The following SMARCC1 variants were observed in gnomAD, a reference collection of about 807,000 sequenced individuals.
SMARCC1 encodes the protein SWI/SNF related BAF chromatin remodeling complex subunit C1.
In SMARCC1, 43 loss-of-function variants were observed where a neutral mutation model predicts 147.4. The observed-to-expected ratio is 0.29, with a 90% CI of 0.23 to 0.38. The LOEUF (loss-of-function observed/expected upper bound fraction) is 0.38, where lower values mean the gene tolerates loss of function less well. Among genes scored for constraint, SMARCC1 ranks in the 10% least tolerant of loss-of-function variants. The pLI is 1.00. For missense variants in SMARCC1, 1,119 were observed against 1,381.1 expected, an observed-to-expected ratio of 0.81 and a Z score of 3.01; for synonymous variants, 495 against 484.4, an observed-to-expected ratio of 1.02 and a Z score of -0.29.
At chr3:47,669,280 T>C (rs544304932) in intron 19 of SMARCC1, among the ~76,000 whole-genome samples, 2 of 152,316 alleles carry the variant, frequency 1.3e-5, no homozygotes, top group South Asian at 4.1e-4. Flanking sequence ...TTTTACTACC[T>C]ACTAATCTTA....
intron 2 of SMARCC1, among the ~76,000 whole-genome samples, chr3:47,760,176 A>C (rs561005710): frequency 6.6e-6 from 1 of 151,970 alleles, no homozygotes; most frequent in East Asian, 2.0e-4. Flanking sequence ...TCAGCTGGGA[A>C]TGGTGGTGCA....
intron 1 of SMARCC1, among the ~76,000 whole-genome samples, chr3:47,775,395 C>T (rs1037389091): frequency 6.7e-6 from 1 of 149,640 alleles, no homozygotes; most frequent in African/African-American, 2.4e-5. Flanking sequence ...CTCCTGACCT[C>T]GTGATTCGCC....
intron 14 of SMARCC1, among the ~76,000 whole-genome samples, 162 bp from the exon 15 acceptor site, chr3:47,680,670 C>T (rs2033633482): frequency 6.7e-6 from 1 of 149,780 alleles, no homozygotes; most frequent in Non-Finnish European, 1.5e-5. Context: ...GCCTCAGCCT[C>T]CCAAGTAGCT....
intron 21 of SMARCC1, among the ~76,000 whole-genome samples, chr3:47,642,759 T>C (rs1259583900): frequency 6.6e-6 from 1 of 151,818 alleles, no homozygotes; most frequent in African/African-American, 2.4e-5. Context: ...AACCTGAAAT[T>C]TCCAGGCCAC....
At chr3:47,776,213 C>T (rs931156964) in intron 1 of SMARCC1, among the ~76,000 whole-genome samples, 2 of 152,050 alleles carry the variant, frequency 1.3e-5, no homozygotes, top group Non-Finnish European at 2.9e-5. Flanking sequence ...TGTACTTATC[C>T]GCAAGGTAAC....
chr3:47,760,850 T>A (rs1431646007), intron 2 of SMARCC1, among the ~76,000 whole-genome samples: 1 of 151,600 alleles, frequency 6.6e-6, no homozygotes, highest in African/African-American at 2.4e-5. Context: ...TTAAAAAATT[T>A]GGCCAGGTGC....
At chr3:47,710,301 GA>G (rs2106797817) in intron 9 of SMARCC1, among the ~76,000 whole-genome samples, 1 of 152,254 alleles carries the variant, frequency 6.6e-6, no homozygotes, top group African/African-American at 2.4e-5. Context: ...CTGGGCTACA[GA>G]GCAAGACTCT....
At chr3:47,770,651 G>A (rs2034901904) in intron 2 of SMARCC1, among the ~76,000 whole-genome samples, 2 of 151,744 alleles carry the variant, frequency 1.3e-5, no homozygotes, top group African/African-American at 2.4e-5. Flanking sequence ...AGGCAACACA[G>A]CAACACCCCG....
rs758634549 is a variant in SMARCC1 at position 47,638,707 on chromosome 3, A to G, written c.2376+18T>C. 3.1e-6 allele frequency: 5 copies of G among 1,604,902 alleles called. No individual in the cohort carries two copies. The highest frequency in any genetic ancestry group is 2.6e-6 in the Non-Finnish European group (3 of 1,171,590). On this transcript the variant is annotated intron_variant, in intron 22 of 27. Transcript: ENST00000254480. Reference sequence around the variant, plus strand: ...TGAAAGGCATGCTATCTGTGGTTTTACTGCTGTGAGACTTTACCTTTTCAG... The same window carrying G: ...TGAAAGGCATGCTATCTGTGGTTTTGCTGCTGTGAGACTTTACCTTTTCAG...
intron 21 of SMARCC1, among the ~76,000 whole-genome samples, chr3:47,659,822 A>G (rs2033319166): frequency 6.6e-6 from 1 of 151,826 alleles, no homozygotes; most frequent in Non-Finnish European, 1.5e-5. Context: ...TGGCCAATAA[A>G]CACATGATAT....
Position 47,701,310 on chromosome 3 carries a change from G to C in SMARCC1, c.1133C>G (p.Pro378Arg). 1 of 1,612,982 alleles carries C rather than the reference G, an allele frequency of 6.2e-7. No homozygotes were observed. Among genetic ancestry groups the C allele is most frequent in the Non-Finnish European group, 8.5e-7 (1 of 1,179,034 alleles). The change falls in exon 11 of 28, where the codon CCC (proline) becomes CGC (arginine). Residue 378 changes from proline to arginine, a missense_variant. Coordinates refer to ENST00000254480, the MANE Select transcript of SMARCC1 (RefSeq NM_003074.4). ...TKDMEDPTPVPNIEEVVLPKN... is the reference protein window; with the variant it reads ...TKDMEDPTPVRNIEEVVLPKN... ...GGGAAGTACTACTTCTTCTATATTG[G>C]GTACAGGTGTTGGGTCTTCCATATC...
At position 47,661,806 on chromosome 3, in the gene SMARCC1, C is replaced by G. The variant is rs191356819; in HGVS notation, c.2159-351G>C. ...AGCAAGGATTAAACATCCATAAAACCAAGAAAGAGTTCTATGATGTGACAA... is the reference window on the plus strand; with the variant it reads ...AGCAAGGATTAAACATCCATAAAACGAAGAAAGAGTTCTATGATGTGACAA... On this transcript the variant is annotated intron_variant, in intron 20 of 27. Transcript: ENST00000254480. 2.1e-4 allele frequency among the ~76,000 whole-genome samples: 32 copies of G among 151,826 alleles called. 1 individual carries two copies. Among genetic ancestry groups the G allele is most frequent in the Admixed American group, 1.6e-3 (24 of 15,212 alleles).
intron 5 of SMARCC1, among the ~76,000 whole-genome samples, chr3:47,730,822 C>T (rs952882614): frequency 1.3e-5 from 2 of 151,284 alleles, no homozygotes; most frequent in African/African-American, 4.9e-5. Context: ...GCCGAGATTG[C>T]GCCATTGCAC....
intron 19 of SMARCC1, among the ~76,000 whole-genome samples, chr3:47,666,632 T>C (rs2033423548): frequency 6.6e-6 from 1 of 150,890 alleles, no homozygotes; most frequent in African/African-American, 2.4e-5. Flanking sequence ...ACCAAGCTTG[T>C]CCAACCTGTG....
chr3:47,637,223 A>T (rs1212118093), intron 22 of SMARCC1, among the ~76,000 whole-genome samples: 1 of 152,226 alleles, frequency 6.6e-6, no homozygotes, highest in Non-Finnish European at 1.5e-5. Flanking sequence ...AAATGAAATT[A>T]AAAATGTGAA....
intron 5 of SMARCC1, 102 bp from the exon 6 acceptor site, chr3:47,729,196 C>T (rs1292800197): frequency 1.4e-6 from 1 of 704,118 alleles, no homozygotes; most frequent in African/African-American, 1.8e-5. Flanking sequence ...CATGGTTTTA[C>T]TTATAGACTT....
intron 25 of SMARCC1, among the ~76,000 whole-genome samples, chr3:47,621,793 G>A (rs73083125): frequency 0.041 from 5,961 of 145,058 alleles, 172 homozygotes; most frequent in Non-Finnish European, 0.056. Flanking sequence ...AAGTACCTCT[G>A]AATCTAAAAT....
chr3:47,614,724 A>G (rs2032612928), intron 25 of SMARCC1, among the ~76,000 whole-genome samples: 1 of 152,084 alleles, frequency 6.6e-6, no homozygotes, highest in Non-Finnish European at 1.5e-5. Context: ...CCTGATTCTG[A>G]CCTTGCTGCC....
chr3:47,628,925 A>G (rs1041279810), intron 24 of SMARCC1, among the ~76,000 whole-genome samples: 3 of 152,250 alleles, frequency 2.0e-5, no homozygotes, highest in African/African-American at 7.2e-5. Flanking sequence ...AACTGGGCCT[A>G]CAACAAGTAG....
Sources: gnomAD v4.1 joint callset for allele counts (sites outside exome capture counted in the v4.1 genomes callset) on GRCh38, gnomAD v4.1.1 for gene constraint, MANE v1.5 for transcripts, NCBI Gene and HGNC (gene_info 2026-07-23, HGNC 2026-07-21) for gene names.